Variants in NBDY observed in about 807,000 individuals in gnomAD.
NBDY encodes P-body dissociating protein.
At position 56,737,590 on chromosome X, in the gene NBDY, T is replaced by C. The variant is rs535247108; in HGVS notation, c.*166+5391T>C. On this transcript the variant is annotated intron_variant, in intron 2 of 2. Coordinates refer to ENST00000374922, the MANE Select transcript of NBDY (RefSeq NM_001348129.2). ...GCTTGCCAGCCATTTTGACCTGCTTTAATTTTTTTTAATCCTTCTTATAAC... is the reference window on the plus strand; with the variant it reads ...GCTTGCCAGCCATTTTGACCTGCTTCAATTTTTTTTAATCCTTCTTATAAC... 1,011 of 535,648 alleles carry C rather than the reference T, an allele frequency of 1.9e-3. 3 individuals are homozygous for C. The highest frequency in any genetic ancestry group is 2.6e-3 in the Non-Finnish European group (842 of 323,821). 44.1% of individuals were successfully genotyped at this position (535,648 alleles called of 1,213,427 possible).
In NBDY at chrX:56,819,170, A is replaced by C. The variant is rs749676518; in HGVS notation, c.*2017A>C. 1 of 111,236 alleles carries C rather than the reference A, an allele frequency of 9.0e-6. No homozygotes were observed. The highest frequency in any genetic ancestry group is 3.3e-5 in the African/African-American group (1 of 30,663). The allele number at this position is 111,236 out of a possible 1,213,427, so 9.2% of individuals were successfully genotyped here. A position where few individuals can be genotyped will look rare whatever the true frequency, so the allele number is the denominator to read the frequency against. On this transcript the variant is annotated 3_prime_UTR_variant, in exon 3 of 3. Transcript: ENST00000374922. ...TTTTTAATTCTTACACCAAAGCACAAGTTAATAAAGGAAAAAAAAGATAAA... is the reference window on the plus strand; with the variant it reads ...TTTTTAATTCTTACACCAAAGCACACGTTAATAAAGGAAAAAAAAGATAAA...
rs1179603115 is a variant in NBDY, at chrX:56,755,767, T to C, written c.*166+23568T>C. Reference sequence around the variant, plus strand: ...AGGGATCTAGAACTAGAAATACCATTTGACCCAGCCATCCCATTACTGGGT... The same window carrying C: ...AGGGATCTAGAACTAGAAATACCATCTGACCCAGCCATCCCATTACTGGGT... On this transcript the variant is annotated intron_variant, in intron 2 of 2. Coordinates refer to ENST00000374922, the MANE Select transcript of NBDY (RefSeq NM_001348129.2). Among the ~76,000 whole-genome samples the C allele has an allele frequency of 4.6e-5, 5 of 108,834 alleles. No individual in the cohort carries two copies. In the East Asian group the frequency reaches 1.5e-3, roughly 32 times the overall value. 94.5% of individuals were successfully genotyped at this position (108,834 alleles called of 115,157 possible).
intron 2 of NBDY, among the ~76,000 whole-genome samples, chrX:56,756,430 A>T (rs1310826659): frequency 3.0e-5 from 2 of 66,754 alleles, no homozygotes; most frequent in Admixed American, 1.6e-4. Flanking sequence ...ACATGAAACA[A>T]CAGCTAAAAA....
At chrX:56,733,591 G>A (rs2069470877) in intron 2 of NBDY, among the ~76,000 whole-genome samples, 1 of 111,713 alleles carries the variant, frequency 9.0e-6, no homozygotes, top group South Asian at 3.8e-4. Flanking sequence ...GCAGAATGGA[G>A]AAACCTTCCA....
chrX:56,792,284 A>G (rs781522741), intron 2 of NBDY, among the ~76,000 whole-genome samples: 2 of 111,008 alleles, frequency 1.8e-5, no homozygotes, highest in Admixed American at 9.6e-5. Context: ...ATTATTTCCC[A>G]TTCTCCTTAA....
At chrX:56,739,332 A>G (rs952646402) in intron 2 of NBDY, among the ~76,000 whole-genome samples, 1 of 88,653 alleles carries the variant, frequency 1.1e-5, no homozygotes, top group Admixed American at 1.3e-4. Context: ...ACTGTCTCTC[A>G]CTTTTATTTC....
intron 2 of NBDY, among the ~76,000 whole-genome samples, chrX:56,781,779 CGAG>C (rs1308448433): frequency 8.9e-6 from 1 of 112,074 alleles, no homozygotes; most frequent in East Asian, 2.8e-4. Context: ...CTGAACCCTG[CGAG>C]GAGAAGTTGG....
chrX:56,730,621 G>A (rs1602645839), intron 1 of NBDY, among the ~76,000 whole-genome samples: 1 of 104,677 alleles, frequency 9.6e-6, no homozygotes, highest in South Asian at 4.5e-4. Context: ...ATGCTTTTCA[G>A]GCCGAGGGTT....
intron 2 of NBDY, among the ~76,000 whole-genome samples, chrX:56,750,428 ACTT>A (rs1235878064): frequency 9.4e-6 from 1 of 106,373 alleles, no homozygotes; most frequent in Non-Finnish European, 2.0e-5. Flanking sequence ...TTCAATCCTC[ACTT>A]CTTCTTGGCA....
At chrX:56,781,782 G>A (rs2069693043) in intron 2 of NBDY, among the ~76,000 whole-genome samples, 1 of 112,191 alleles carries the variant, frequency 8.9e-6, no homozygotes, top group East Asian at 2.8e-4. Flanking sequence ...AACCCTGCGA[G>A]GAGAAGTTGG....
chrX:56,767,674 C>A (rs1263476112), intron 2 of NBDY, among the ~76,000 whole-genome samples: 1 of 113,437 alleles, frequency 8.8e-6, no homozygotes, highest in Non-Finnish European at 1.9e-5. Context: ...CCTATCTCTT[C>A]TCCTTAACTT....
At chrX:56,746,172 T>G (rs1200328649) in intron 2 of NBDY, among the ~76,000 whole-genome samples, 1 of 111,597 alleles carries the variant, frequency 9.0e-6, no homozygotes, top group Admixed American at 9.5e-5. Context: ...TCACAAACTT[T>G]CACAATCAAC....
At chrX:56,734,277 C>T (rs1445803425) in intron 2 of NBDY, among the ~76,000 whole-genome samples, 2 of 111,460 alleles carry the variant, frequency 1.8e-5, no homozygotes, top group East Asian at 2.8e-4. Context: ...GTCTGAAGGC[C>T]CAACATCCCT....
At chrX:56,795,772 C>T (rs1400485371) in intron 2 of NBDY, among the ~76,000 whole-genome samples, 1 of 112,255 alleles carries the variant, frequency 8.9e-6, no homozygotes, top group African/African-American at 3.2e-5. Flanking sequence ...GTCCTTTTTT[C>T]ATATGTAGGT....
intron 2 of NBDY, among the ~76,000 whole-genome samples, chrX:56,785,651 C>G (rs764255926): frequency 9.0e-6 from 1 of 111,579 alleles, no homozygotes; most frequent in South Asian, 3.8e-4. Flanking sequence ...GCCTCCTGAA[C>G]CAACAGGCCT....
At chrX:56,808,377 C>A (rs747650828) in intron 2 of NBDY, among the ~76,000 whole-genome samples, 1 of 111,639 alleles carries the variant, frequency 9.0e-6, no homozygotes, top group Admixed American at 9.5e-5. Flanking sequence ...TCTGTGAATC[C>A]GTCTGGTCCT....
chrX:56,746,201 T>G (rs201787350), intron 2 of NBDY, among the ~76,000 whole-genome samples: 2 of 111,523 alleles, frequency 1.8e-5, no homozygotes, highest in East Asian at 5.6e-4. Flanking sequence ...GAATAAAGTT[T>G]TTTTTTTCAG....
At chrX:56,797,602 C>T (rs17002766) in intron 2 of NBDY, among the ~76,000 whole-genome samples, 14,405 of 110,984 alleles carry the variant, frequency 0.13, 1,971 homozygotes, top group African/African-American at 0.41. Context: ...ACCATTCTTT[C>T]CTGTTCTCCT....
Position 56,819,110 on chromosome X carries a change from G to A in NBDY, c.*1957G>A, listed in dbSNP as rs186020966. 12 of 108,937 alleles carry A rather than the reference G, an allele frequency of 1.1e-4. No homozygotes were observed. In the East Asian group the frequency reaches 2.9e-3, roughly 26 times the overall value. 9.0% of individuals were successfully genotyped at this position (108,937 alleles called of 1,213,427 possible). A position where few individuals can be genotyped will look rare whatever the true frequency, so the allele number is the denominator to read the frequency against. On this transcript the variant is annotated 3_prime_UTR_variant, in exon 3 of 3. Coordinates refer to ENST00000374922, the MANE Select transcript of NBDY (RefSeq NM_001348129.2). ...TATAAAACTCTTGGGAGGAAATATA[G>A]AATAAATTTTTGTGACCTTGAATTA...
Sources: allele counts gnomAD v4.1 joint callset (sites outside exome capture counted in the v4.1 genomes callset), GRCh38; gene constraint gnomAD v4.1.1; transcripts MANE v1.5; gene names NCBI Gene and HGNC (gene_info 2026-07-23, HGNC 2026-07-21).